The following CCDC178 variants were observed in gnomAD, a reference collection of about 807,000 sequenced individuals.
CCDC178 encodes the protein coiled-coil domain-containing protein 178.
In CCDC178, 126 loss-of-function variants were observed where a neutral mutation model predicts 117.4. That is an observed-to-expected ratio of 1.07 (90% confidence interval 0.93 to 1.24). CCDC178 has a LOEUF of 1.24. CCDC178 is among the 50% of genes most tolerant of loss of function. The probability of loss-of-function intolerance (pLI) is 0.00; values close to 1 mark genes in which losing one functional copy is unlikely to be tolerated. For synonymous variants in CCDC178, 283 were observed against 313.4 expected (o/e 0.90, Z 1.02); for missense variants, 1,030 against 986.9 (o/e 1.04, Z -0.59).
chr18:33,357,126 C>A (rs1409153465), intron 6 of CCDC178, among the ~76,000 whole-genome samples: 2 of 152,064 alleles, frequency 1.3e-5, no homozygotes, highest in African/African-American at 4.8e-5. Context: ...TCCCACCTTT[C>A]CAGGCCTAAC....
intron 20 of CCDC178, among the ~76,000 whole-genome samples, chr18:33,118,224 C>G (rs1427636945): frequency 6.6e-6 from 1 of 151,992 alleles, no homozygotes; most frequent in Non-Finnish European, 1.5e-5. Context: ...ATGATAACAA[C>G]TAGGTGGCAA....
chr18:33,124,985 G>C (rs2057985653), intron 20 of CCDC178, among the ~76,000 whole-genome samples: 1 of 152,132 alleles, frequency 6.6e-6, no homozygotes, highest in Non-Finnish European at 1.5e-5. Flanking sequence ...CTCAGTGTCA[G>C]CTGTGCCCTC....
chr18:33,334,612 G>C (rs1285477734), intron 9 of CCDC178, among the ~76,000 whole-genome samples: 1 of 151,692 alleles, frequency 6.6e-6, no homozygotes, highest in African/African-American at 2.4e-5. Context: ...CTTTACCTGG[G>C]ATTTTCTGCA....
intron 2 of CCDC178, among the ~76,000 whole-genome samples, chr18:33,427,538 CTT>C (rs2064139601): frequency 1.3e-5 from 2 of 152,122 alleles, no homozygotes; most frequent in Non-Finnish European, 2.9e-5. Flanking sequence ...TCTCTCTTCT[CTT>C]TCTTTGATAA....
intron 21 of CCDC178, among the ~76,000 whole-genome samples, chr18:33,059,337 T>G (rs2056884073): frequency 6.6e-6 from 1 of 152,170 alleles, no homozygotes; most frequent in Non-Finnish European, 1.5e-5. Flanking sequence ...TATTCTAATA[T>G]GATATTGATA....
At chr18:33,356,266 T>C (rs2063055232) in intron 7 of CCDC178, 58 bp downstream of exon 7, 7 of 1,419,164 alleles carry the variant, frequency 4.9e-6, no homozygotes, top group Non-Finnish European at 6.6e-6. Context: ...TTATAGCAGA[T>C]GATTGAAATT....
At chr18:32,958,629 G>A (rs1219704986) in intron 22 of CCDC178, among the ~76,000 whole-genome samples, 2 of 152,186 alleles carry the variant, frequency 1.3e-5, no homozygotes, top group African/African-American at 2.4e-5. Context: ...GATGTTTGAC[G>A]AAGTCAGGGC....
intron 21 of CCDC178, among the ~76,000 whole-genome samples, chr18:33,025,250 G>A (rs1047949947): frequency 2.0e-5 from 3 of 151,890 alleles, no homozygotes; most frequent in African/African-American, 7.3e-5. Context: ...AAAATTATTC[G>A]ACAAAACTTA....
chr18:33,051,414 T>C (rs888533671), intron 21 of CCDC178, among the ~76,000 whole-genome samples: 1 of 152,200 alleles, frequency 6.6e-6, no homozygotes, highest in Admixed American at 6.5e-5. Context: ...AGGCTCCTTC[T>C]CATAAAGACA....
At chr18:33,113,470 A>G (rs1242562997) in intron 20 of CCDC178, among the ~76,000 whole-genome samples, 1 of 151,992 alleles carries the variant, frequency 6.6e-6, no homozygotes, top group Non-Finnish European at 1.5e-5. Flanking sequence ...AGGACACTTG[A>G]TATCTTAAAA....
intron 5 of CCDC178, among the ~76,000 whole-genome samples, chr18:33,388,752 C>A (rs894234838): frequency 3.6e-4 from 54 of 151,572 alleles, no homozygotes; most frequent in African/African-American, 1.3e-3. Context: ...ATCTCCTGAC[C>A]TCGTGATCCG....
intron 20 of CCDC178, among the ~76,000 whole-genome samples, chr18:33,131,500 T>C (rs2058068329): frequency 6.6e-6 from 1 of 151,728 alleles, no homozygotes. Context: ...AGAAAAATTT[T>C]ATTAAAAGTA....
chr18:33,224,798 T>C lies in CCDC178; in HGVS notation c.1795A>G (p.Ser599Gly). The C allele has an allele frequency of 2.6e-6, 4 of 1,539,640 alleles. No homozygotes were observed. Among genetic ancestry groups the C allele is most frequent in the Non-Finnish European group, 3.5e-6 (4 of 1,142,238 alleles). The change falls in exon 17 of 23, where the codon AGT becomes GGT. Residue 599 changes from serine to glycine, a missense_variant. By Grantham distance (56) the Ser-to-Gly change is moderately conservative. Coordinates refer to ENST00000383096, the MANE Select transcript of CCDC178 (RefSeq NM_001105528.4). ...QLEDEAERIRSLDKEHSVMLN... is the reference protein window; with the variant it reads ...QLEDEAERIRGLDKEHSVMLN... ...ACAACAGAATGTTCTTTGTCGAGAC[T>C]TCTGATTCTTTCAGCTTCATCTTCT...
intron 11 of CCDC178, among the ~76,000 whole-genome samples, chr18:33,308,296 T>G (rs565600780): frequency 6.6e-6 from 1 of 152,306 alleles, no homozygotes; most frequent in South Asian, 2.1e-4. Context: ...TTTTGGGACT[T>G]TAAGGTTTAA....
intron 20 of CCDC178, among the ~76,000 whole-genome samples, chr18:33,167,850 G>A (rs892198744): frequency 6.6e-6 from 1 of 151,266 alleles, no homozygotes; most frequent in Non-Finnish European, 1.5e-5. Context: ...CTGGGTGAGA[G>A]AGTGAGACTC....
intron 20 of CCDC178, among the ~76,000 whole-genome samples, chr18:33,204,533 G>A (rs908020351): frequency 1.3e-5 from 2 of 152,064 alleles, no homozygotes; most frequent in South Asian, 2.1e-4. Context: ...TAGAAGTCTC[G>A]AAGGCACATC....
chr18:33,053,114 C>T (rs529130559), intron 21 of CCDC178, among the ~76,000 whole-genome samples: 61 of 152,264 alleles, frequency 4.0e-4, no homozygotes, highest in Middle Eastern at 3.4e-3. Context: ...TTAGCAAGAG[C>T]AATGTGACCA....
Position 33,440,643 on chromosome 18 carries a change from C to G in CCDC178, c.-143+10G>C, listed in dbSNP as rs950413962. The G allele has an allele frequency of 2.0e-5, 3 of 152,314 alleles. No individual in the cohort carries two copies. Among genetic ancestry groups the G allele is most frequent in the African/African-American group, 4.8e-5 (2 of 41,420 alleles). 9.4% of individuals were successfully genotyped at this position (152,314 alleles called of 1,614,324 possible). On this transcript the variant is annotated intron_variant, in intron 1 of 22. Coordinates refer to ENST00000383096, the MANE Select transcript of CCDC178 (RefSeq NM_001105528.4). ...GCGCCCGCGCCGAGGCACAAGCGCCCCCGACTCACCGGCTCCGCGCGTTTC... is the reference window on the plus strand; with the variant it reads ...GCGCCCGCGCCGAGGCACAAGCGCCGCCGACTCACCGGCTCCGCGCGTTTC...
intron 20 of CCDC178, among the ~76,000 whole-genome samples, chr18:33,205,537 C>T (rs1215855540): frequency 6.6e-6 from 1 of 152,154 alleles, no homozygotes; most frequent in Middle Eastern, 3.4e-3. Flanking sequence ...AGAAATAAAA[C>T]AAGTAGGAAA....
Sources: allele counts gnomAD v4.1 joint callset (sites outside exome capture counted in the v4.1 genomes callset), GRCh38; gene constraint gnomAD v4.1.1; transcripts MANE v1.5; gene names NCBI Gene and HGNC (gene_info 2026-07-23, HGNC 2026-07-21).